The following CA12 variants were observed in gnomAD, a reference collection of about 807,000 sequenced individuals.
The protein encoded by CA12 is carbonate dehydratase XII.
A neutral mutation model predicts 46.8 loss-of-function variants in CA12; 36 were observed. That is an observed-to-expected ratio of 0.77 (90% CI 0.59 to 1.02). The LOEUF (loss-of-function observed/expected upper bound fraction) is 1.02, where lower values mean the gene tolerates loss of function less well. Ranked by LOEUF, CA12 falls within the 50% of genes least tolerant of loss-of-function variation. CA12 has a pLI of 0.00. For synonymous variants in CA12, 202 were observed against 187.0 expected, an observed-to-expected ratio of 1.08 and a Z score of -0.65; for missense variants, 436 against 451.4, an observed-to-expected ratio of 0.97 and a Z score of 0.31.
intron 2 of CA12, among the ~76,000 whole-genome samples, chr15:63,350,517 G>A (rs1446225407): frequency 6.6e-6 from 1 of 152,228 alleles, no homozygotes; most frequent in Non-Finnish European, 1.5e-5. Flanking sequence ...TCGTGATACA[G>A]GAGGATCACG....
chr15:63,360,177 C>T (rs1211897121), intron 2 of CA12, among the ~76,000 whole-genome samples: 8 of 152,176 alleles, frequency 5.3e-5, no homozygotes, highest in African/African-American at 1.2e-4. Context: ...GCCAGAGTAA[C>T]GTTTGCACCT....
intron 2 of CA12, among the ~76,000 whole-genome samples, chr15:63,371,649 C>T (rs1338401844): frequency 2.0e-5 from 3 of 152,342 alleles, no homozygotes; most frequent in East Asian, 3.9e-4. Context: ...TAAGACTTTG[C>T]AGATCTTGAG....
intron 2 of CA12, 21 bp downstream of exon 2, chr15:63,375,637 G>A (rs1431050362): frequency 2.0e-6 from 3 of 1,472,210 alleles, no homozygotes; most frequent in East Asian, 4.5e-5. Flanking sequence ...CAACAAAAAA[G>A]TATTTAAAAT....
intron 1 of CA12, among the ~76,000 whole-genome samples, chr15:63,379,464 G>T (rs2039617283): frequency 6.6e-6 from 1 of 152,180 alleles, no homozygotes; most frequent in African/African-American, 2.4e-5. Context: ...AGAACAGAAG[G>T]CTTAAAAGGA....
rs1273034215 is a variant in CA12, at chr15:63,345,082, C to T, written c.429+395G>A. ...CATCAAAATGATGCAAACAGCATGA[C>T]ATATGAAGAAAGGCTGAGAAGTTTG... On this transcript the variant is annotated intron_variant, in intron 4 of 10. Transcript: ENST00000178638. The surrounding 1 kb of genome is among the most constrained non-coding windows in gnomAD (Gnocchi z 4.3). 6.6e-6 allele frequency among the ~76,000 whole-genome samples: 1 copy of T among 152,182 alleles called. No homozygotes were observed. Among genetic ancestry groups the T allele is most frequent in the Non-Finnish European group, 1.5e-5 (1 of 68,046 alleles).
chr15:63,333,266 C>T (rs1282405295), intron 8 of CA12, among the ~76,000 whole-genome samples: 2 of 152,254 alleles, frequency 1.3e-5, no homozygotes, highest in East Asian at 3.8e-4. Context: ...AGGGCCCCAT[C>T]ACCAAGGGTG....
At chr15:63,334,219 C>T (rs145394376) in intron 8 of CA12, among the ~76,000 whole-genome samples, 601 of 148,218 alleles carry the variant, frequency 4.1e-3, no homozygotes, top group Non-Finnish European at 5.8e-3. Flanking sequence ...CTCAAATCTT[C>T]CAACTGCCAC....
chr15:63,331,993 ATTATT>A lies in CA12; in HGVS notation c.875-3868_875-3864del, dbSNP rs2038943538. Among the ~76,000 whole-genome samples, 1 of 152,194 alleles carries A rather than the reference ATTATT, an allele frequency of 6.6e-6. No individual in the cohort carries two copies. Among genetic ancestry groups the A allele is most frequent in the Non-Finnish European group, 1.5e-5 (1 of 68,044 alleles). On this transcript the variant is annotated intron_variant, in intron 8 of 10. Coordinates refer to ENST00000178638, the MANE Select transcript of CA12 (RefSeq NM_001218.5). The surrounding 1 kb of genome is among the most constrained non-coding windows in gnomAD (Gnocchi z 5.3). ...CTGTGGACTATAATCCTTTTCAAGTATTATTTTAAAGTACACACTGTTTACATAGA... is the reference window on the plus strand; with the variant it reads ...CTGTGGACTATAATCCTTTTCAAGTATTAAAGTACACACTGTTTACATAGA...
chr15:63,333,284 C>G (rs2038958760), intron 8 of CA12, among the ~76,000 whole-genome samples: 1 of 152,266 alleles, frequency 6.6e-6, no homozygotes, highest in Admixed American at 6.5e-5. Context: ...GTGGGTCCAG[C>G]CGTCTGCCCA....
intron 2 of CA12, among the ~76,000 whole-genome samples, chr15:63,358,940 A>C (rs2039326513): frequency 6.6e-6 from 1 of 151,616 alleles, no homozygotes; most frequent in African/African-American, 2.4e-5. Context: ...CCCACTCCTG[A>C]TTTCTGAACC....
intron 2 of CA12, among the ~76,000 whole-genome samples, chr15:63,359,193 T>C (rs575227400): frequency 6.6e-6 from 1 of 152,230 alleles, no homozygotes; most frequent in South Asian, 2.1e-4. Context: ...GCTACCCCCT[T>C]TGGATAATCC....
chr15:63,379,470 A>C (rs897818190), intron 1 of CA12, among the ~76,000 whole-genome samples: 2 of 152,178 alleles, frequency 1.3e-5, no homozygotes, highest in Non-Finnish European at 2.9e-5. Context: ...GAAGGCTTAA[A>C]AGGATTAAAC....
Position 63,340,269 on chromosome 15 carries a change from A to T in CA12, c.747+19T>A. 1.2e-6 allele frequency: 2 copies of T among 1,614,032 alleles called. No homozygotes were observed. Among genetic ancestry groups the T allele is most frequent in the Non-Finnish European group, 1.7e-6 (2 of 1,179,986 alleles). Reference sequence around the variant, plus strand: ...TGAGGTGCCGCGTGGACTCTGGCTGAGTCTGGCACGACAGTTACCTGCTCC... The same window carrying T: ...TGAGGTGCCGCGTGGACTCTGGCTGTGTCTGGCACGACAGTTACCTGCTCC... On this transcript the variant is annotated intron_variant, in intron 7 of 10. Transcript: ENST00000178638. This position sits in a 1 kb window ranked among gnomAD's most constrained non-coding sequence, Gnocchi z 4.4.
intron 1 of CA12, among the ~76,000 whole-genome samples, chr15:63,377,628 C>T (rs1419072786): frequency 1.3e-5 from 2 of 152,134 alleles, no homozygotes; most frequent in African/African-American, 4.8e-5. Context: ...TTTAGAAAGT[C>T]AGATGGTTCT....
In CA12 at chr15:63,355,680, TAA is replaced by T. The variant is rs2039286029; in HGVS notation, c.107-8973_107-8972del. 6.6e-6 allele frequency among the ~76,000 whole-genome samples: 1 copy of T among 152,166 alleles called. No individual in the cohort carries two copies. The highest frequency in any genetic ancestry group is 2.4e-5 in the African/African-American group (1 of 41,430). ...TAAGCAACAAACAACAGCAAACCAC[TAA>T]GTTAAACAAACTGCTGACATGCTAA... On this transcript the variant is annotated intron_variant, in intron 2 of 10. Coordinates refer to ENST00000178638, the MANE Select transcript of CA12 (RefSeq NM_001218.5). This position sits in a 1 kb window ranked among gnomAD's most constrained non-coding sequence, Gnocchi z 4.1.
chr15:63,368,314 T>C (rs1010113709), intron 2 of CA12, among the ~76,000 whole-genome samples: 1 of 152,190 alleles, frequency 6.6e-6, no homozygotes, highest in Non-Finnish European at 1.5e-5. Context: ...TGGAAGAGAC[T>C]GGCCATGGTG....
chr15:63,328,332 A>C lies in CA12; in HGVS notation c.875-202T>G, dbSNP rs1457522640. ...ATTCATACTGCAATCCCTCCTTCCGATGCTCCTTTTTTTTTTTTTTTTGAG... is the reference window on the plus strand; with the variant it reads ...ATTCATACTGCAATCCCTCCTTCCGCTGCTCCTTTTTTTTTTTTTTTTGAG... On this transcript the variant is annotated intron_variant, in intron 8 of 10. Coordinates refer to ENST00000178638, the MANE Select transcript of CA12 (RefSeq NM_001218.5). This position sits in a 1 kb window ranked among gnomAD's most constrained non-coding sequence, Gnocchi z 5.9. Among the ~76,000 whole-genome samples the C allele has an allele frequency of 6.8e-6, 1 of 146,008 alleles. No homozygotes were observed. The highest frequency in any genetic ancestry group is 6.9e-5 in the Admixed American group (1 of 14,470).
At chr15:63,364,943 T>C (rs766015428) in intron 2 of CA12, among the ~76,000 whole-genome samples, 16 of 152,196 alleles carry the variant, frequency 1.1e-4, no homozygotes, top group Admixed American at 3.9e-4. Context: ...TGCACTGGTG[T>C]GTGTGTGTTT....
chr15:63,335,890 C>T (rs1224398231), intron 8 of CA12, among the ~76,000 whole-genome samples: 10 of 152,320 alleles, frequency 6.6e-5, no homozygotes, highest in South Asian at 6.2e-4. Context: ...GCCCCCTGGG[C>T]AGATGAGGTT....
Sources: allele counts gnomAD v4.1 joint callset (sites outside exome capture counted in the v4.1 genomes callset), GRCh38; gene constraint gnomAD v4.1.1; non-coding constraint Gnocchi (gnomAD v3.1); transcripts MANE v1.5; gene names NCBI Gene and HGNC (gene_info 2026-07-23, HGNC 2026-07-21).